The following COL8A1 variants were observed in gnomAD, a reference collection of about 807,000 sequenced individuals.
The protein encoded by COL8A1 is collagen alpha-1(VIII) chain.
COL8A1 carries 21 observed loss-of-function variants against 42.7 expected under a neutral mutation model. The ratio of observed to expected loss-of-function variants is 0.49; its 90% CI spans 0.35 to 0.71. COL8A1 has a LOEUF of 0.71. COL8A1 is among the 30% of genes least tolerant of loss of function. COL8A1 has a pLI of 0.01. For missense variants in COL8A1, 788 were observed against 962.4 expected (o/e 0.82, Z 2.40); for synonymous variants, 367 against 369.1 (o/e 0.99, Z 0.06).
intron 2 of COL8A1, among the ~76,000 whole-genome samples, chr3:99,767,048 T>C (rs1941478714): frequency 1.3e-5 from 2 of 152,202 alleles, no homozygotes; most frequent in Non-Finnish European, 2.9e-5. Context: ...CCTTCAGATA[T>C]GTTGTTGCAT....
At chr3:99,776,414 A>T (rs1941693864) in intron 2 of COL8A1, among the ~76,000 whole-genome samples, 1 of 152,194 alleles carries the variant, frequency 6.6e-6, no homozygotes, top group South Asian at 2.1e-4. Context: ...TACAGCTCCT[A>T]GCATGGTAGT....
chr3:99,733,031 A>C (rs1940567344), intron 1 of COL8A1, among the ~76,000 whole-genome samples: 1 of 151,690 alleles, frequency 6.6e-6, no homozygotes, highest in African/African-American at 2.4e-5. Context: ...TATCCGGGTC[A>C]TGCCGATGCA....
At chr3:99,654,787 C>CAA (rs879344942) in intron 1 of COL8A1, among the ~76,000 whole-genome samples, 1 of 134,802 alleles carries the variant, frequency 7.4e-6, no homozygotes, top group African/African-American at 2.8e-5. Flanking sequence ...GACCCTGTCT[C>CAA]AAAAAAAAAA....
intron 2 of COL8A1, among the ~76,000 whole-genome samples, chr3:99,783,817 G>A (rs989139872): frequency 6.6e-6 from 1 of 152,148 alleles, no homozygotes; most frequent in Admixed American, 6.5e-5. Flanking sequence ...CATGAGAATA[G>A]CACAGGGTAA....
intron 1 of COL8A1, among the ~76,000 whole-genome samples, chr3:99,665,594 T>C (rs1938341048): frequency 6.6e-6 from 1 of 152,082 alleles, no homozygotes; most frequent in Non-Finnish European, 1.5e-5. Context: ...GCCTTTTATA[T>C]TCACTCCTCT....
intron 2 of COL8A1, among the ~76,000 whole-genome samples, chr3:99,781,568 C>G (rs1485514314): frequency 6.6e-6 from 1 of 152,126 alleles, no homozygotes; most frequent in Non-Finnish European, 1.5e-5. Flanking sequence ...TCTAAATAAA[C>G]ATTTTTACGA....
At chr3:99,652,034 A>T (rs1937863530) in intron 1 of COL8A1, among the ~76,000 whole-genome samples, 1 of 152,260 alleles carries the variant, frequency 6.6e-6, no homozygotes, top group Non-Finnish European at 1.5e-5. Flanking sequence ...TCAATGGTAA[A>T]GATAGCAATA....
rs969342240 is a variant in COL8A1 at position 99,646,218 on chromosome 3, T to TA, written c.-129+7562dup. Among the ~76,000 whole-genome samples the TA allele has an allele frequency of 3.3e-5, 5 of 151,852 alleles. No homozygotes were observed. The South Asian group carries it at 6.2e-4, about 19-fold the overall frequency. ...GGGGGATAGAGATCAATTAGGACCATAAAAAAAATCCTTGGCACACCAGAG... is the reference window on the plus strand; with the variant it reads ...GGGGGATAGAGATCAATTAGGACCATAAAAAAAAATCCTTGGCACACCAGAG... On this transcript the variant is annotated intron_variant, in intron 1 of 3. Transcript: ENST00000652472.
intron 1 of COL8A1, among the ~76,000 whole-genome samples, chr3:99,639,277 T>G (rs544850487): frequency 1.3e-5 from 2 of 152,348 alleles, no homozygotes; most frequent in East Asian, 3.9e-4. Context: ...GGGTAGAATG[T>G]GCTCTCTCAC....
intron 1 of COL8A1, among the ~76,000 whole-genome samples, chr3:99,662,228 A>G (rs888748456): frequency 6.6e-6 from 1 of 152,112 alleles, no homozygotes; most frequent in Non-Finnish European, 1.5e-5. Flanking sequence ...AAATTATTTT[A>G]AAAATTAGCC....
chr3:99,747,854 T>C (rs1941062404), intron 2 of COL8A1, among the ~76,000 whole-genome samples: 2 of 152,222 alleles, frequency 1.3e-5, no homozygotes, highest in South Asian at 4.1e-4. Flanking sequence ...ATTTTAAAAC[T>C]AGCTTGGTAT....
In COL8A1 at chr3:99,794,107, G is replaced by A. The variant is rs762945075; in HGVS notation, c.329-123G>A. 40 of 643,788 alleles carry A rather than the reference G, an allele frequency of 6.2e-5. No homozygotes were observed. The highest frequency in any genetic ancestry group is 9.9e-5 in the Non-Finnish European group (37 of 374,830). 39.9% of individuals were successfully genotyped at this position (643,788 alleles called of 1,614,324 possible). On this transcript the variant is annotated intron_variant, in intron 3 of 3. Transcript: ENST00000652472. This position sits in a 1 kb window ranked among gnomAD's most constrained non-coding sequence, Gnocchi z 4.3. The stretch of plus-strand genomic sequence containing the variant: ...TATTCCTAGTCTTTTCTCTTGATAA[G>A]TATTAGGCAAATGTGTCAGAACTAA...
At chr3:99,684,673 A>C (rs1294776947) in intron 1 of COL8A1, among the ~76,000 whole-genome samples, 1 of 152,168 alleles carries the variant, frequency 6.6e-6, no homozygotes, top group African/African-American at 2.4e-5. Context: ...TCATTTCTTA[A>C]GGTAGAGTTG....
chr3:99,741,273 A>AT (rs1400060192), intron 1 of COL8A1, among the ~76,000 whole-genome samples: 1 of 151,938 alleles, frequency 6.6e-6, no homozygotes, highest in Non-Finnish European at 1.5e-5. Context: ...TGGTGTTAGT[A>AT]TTTTTTTCTT....
At position 99,641,700 on chromosome 3, in the gene COL8A1, C is replaced by T. The variant is rs768729552; in HGVS notation, c.-129+3036C>T. On this transcript the variant is annotated intron_variant, in intron 1 of 3. Transcript: ENST00000652472. ...AACTTGCAGACAGATTGAGACACAC[C>T]GTATTTCCTAAAACCTCTGGTCCTC... 7.2e-5 allele frequency among the ~76,000 whole-genome samples: 11 copies of T among 152,226 alleles called. 1 individual carries two copies. The highest frequency in any genetic ancestry group is 1.2e-4 in the Non-Finnish European group (8 of 68,012).
At chr3:99,787,152 C>T (rs980213854) in intron 2 of COL8A1, among the ~76,000 whole-genome samples, 4 of 152,162 alleles carry the variant, frequency 2.6e-5, no homozygotes, top group Admixed American at 6.5e-5. Flanking sequence ...TGAGGATAAA[C>T]GTACAAATAG....
chr3:99,770,615 C>T (rs1941560727), intron 2 of COL8A1, among the ~76,000 whole-genome samples: 3 of 152,084 alleles, frequency 2.0e-5, no homozygotes, highest in African/African-American at 4.8e-5. Context: ...AGGTGTTCTA[C>T]CAAGAGGTAC....
intron 1 of COL8A1, among the ~76,000 whole-genome samples, chr3:99,730,046 C>G (rs1940455458): frequency 6.6e-6 from 1 of 152,102 alleles, no homozygotes; most frequent in African/African-American, 2.4e-5. Flanking sequence ...TGAAACCAAA[C>G]TCTGGGATGA....
intron 2 of COL8A1, among the ~76,000 whole-genome samples, chr3:99,752,374 A>G (rs1037499569): frequency 1.3e-5 from 2 of 152,024 alleles, no homozygotes; most frequent in Admixed American, 1.3e-4. Flanking sequence ...AGTGGTAGTA[A>G]TATTATTATT....
Sources: allele counts gnomAD v4.1 joint callset (sites outside exome capture counted in the v4.1 genomes callset), GRCh38; gene constraint gnomAD v4.1.1; non-coding constraint Gnocchi (gnomAD v3.1); transcripts MANE v1.5; gene names NCBI Gene and HGNC (gene_info 2026-07-23, HGNC 2026-07-21).